Variants in UGP2 observed in about 807,000 individuals in gnomAD.
UGP2 encodes UTP--glucose-1-phosphate uridylyltransferase.
A neutral mutation model predicts 49.0 loss-of-function variants in UGP2; 40 were observed. That is an observed-to-expected ratio of 0.82 (90% confidence interval 0.63 to 1.06). The LOEUF (loss-of-function observed/expected upper bound fraction) is 1.06. UGP2 is among the 50% of genes least tolerant of loss of function. The probability of loss-of-function intolerance (pLI) is 0.00; values close to 1 mark genes in which losing one functional copy is unlikely to be tolerated. For missense variants in UGP2, 460 were observed against 603.5 expected, an observed-to-expected ratio of 0.76 and a Z score of 2.49; for synonymous variants, 225 against 213.0, an observed-to-expected ratio of 1.06 and a Z score of -0.49.
chr2:63,856,194 T>C (rs762987761), intron 1 of UGP2, 112 bp from the exon 2 acceptor site: 171 of 1,349,668 alleles, frequency 1.3e-4, no homozygotes, highest in Non-Finnish European at 1.6e-4. Context: ...TAAAGGGACC[T>C]TGGGATTGAG....
intron 4 of UGP2, chr2:63,883,431 G>A (rs1671444047): frequency 6.6e-6 from 1 of 152,406 alleles, no homozygotes; most frequent in African/African-American, 2.4e-5. Flanking sequence ...ACACTCTGCT[G>A]CCTCGTAGCT....
At chr2:63,887,764 G>T in intron 8 of UGP2, 120 bp downstream of exon 8, 1 of 1,295,826 alleles carries the variant, frequency 7.7e-7, no homozygotes, top group Non-Finnish European at 1.1e-6. Flanking sequence ...GTATTCCTCT[G>T]TCTTTGATAC....
chr2:63,872,135 A>G (rs1249948694), intron 3 of UGP2, among the ~76,000 whole-genome samples: 3 of 152,256 alleles, frequency 2.0e-5, no homozygotes, highest in Non-Finnish European at 4.4e-5. Context: ...CTCAGGCTAC[A>G]CATGACTGGA....
At chr2:63,856,219 T>C (rs1669406679) in intron 1 of UGP2, 87 bp from the exon 2 acceptor site, 2 of 1,509,526 alleles carry the variant, frequency 1.3e-6, no homozygotes, top group South Asian at 2.6e-5. Flanking sequence ...TTTCATTTGC[T>C]GAATACCAGA....
chr2:63,886,468 T>G lies in UGP2; in HGVS notation c.1001T>G (p.Ile334Ser), dbSNP rs745870029. The G allele has an allele frequency of 1.9e-6, 3 of 1,614,174 alleles. No homozygotes were observed. The highest frequency in any genetic ancestry group is 2.5e-6 in the Non-Finnish European group (3 of 1,180,018). Residue 334 changes from isoleucine to serine, a missense_variant, in exon 7 of 10, where the codon ATT becomes AGT. Around this residue, in one of 2 missense-constraint regions of UGP2, gnomAD observed 317 missense variants for 473.0 expected, o/e 0.67. Transcript: ENST00000337130. ...FKIFNTNNLW[I>S]SLAAVKRLQE... ...ATATTTAATACAAACAACCTATGGA[T>G]TTCTCTTGCAGCAGTTAAAAGACTG...
chr2:63,847,861 C>T (rs548917039), intron 1 of UGP2, among the ~76,000 whole-genome samples: 429 of 152,284 alleles, frequency 2.8e-3, no homozygotes, highest in Non-Finnish European at 4.2e-3. Flanking sequence ...TGGGCGTATA[C>T]GTGCAAGTCA....
At position 63,891,152 on chromosome 2, in the gene UGP2, C is replaced by G; in HGVS notation, c.1452C>G (p.Asp484Glu). 1 of 1,613,500 alleles carries G rather than the reference C, an allele frequency of 6.2e-7. No homozygotes were observed. The highest frequency in any genetic ancestry group is 1.1e-5 in the South Asian group (1 of 91,008). Residue 484 changes from aspartate (D) to glutamate (E), a missense_variant, in exon 10 of 10, where the codon GAC becomes GAG. Asp to Glu is a conservative substitution (Grantham distance 45). Transcript: ENST00000337130. ...GTVIIIANHG[D>E]RIDIPPGAVL... ...TTATCATCATTGCAAATCATGGTGA[C>G]AGAATTGATATCCCACCTGGAGCAG...
rs1671645102 is a variant in UGP2, at chr2:63,842,614, G to A, written c.19+410G>A. ...AGAAAAGCCGGGTGGGTTTTGCCGG[G>A]ACTGTTGGGGAAGCTTTAGTGTTCT... On this transcript the variant is annotated intron_variant, in intron 1 of 9. Transcript: ENST00000337130. The A allele has an allele frequency of 4.8e-6, 7 of 1,449,782 alleles. No homozygotes were observed. The East Asian group carries it at 1.0e-4, about 21-fold the overall frequency. 89.8% of individuals were successfully genotyped at this position (1,449,782 alleles called of 1,614,324 possible).
chr2:63,862,612 C>G (rs1669925596), intron 3 of UGP2, among the ~76,000 whole-genome samples: 1 of 152,048 alleles, frequency 6.6e-6, no homozygotes, highest in African/African-American at 2.4e-5. Flanking sequence ...TTGATAGACT[C>G]CCGGTTTTAT....
At chr2:63,883,313 C>G (rs1056127456) in intron 4 of UGP2, 2 of 152,148 alleles carry the variant, frequency 1.3e-5, no homozygotes, top group South Asian at 2.1e-4. Context: ...ATGAGGAAAC[C>G]AAAGCACAAG....
intron 1 of UGP2, among the ~76,000 whole-genome samples, chr2:63,849,901 A>C (rs1271064232): frequency 1.3e-5 from 2 of 152,208 alleles, no homozygotes; most frequent in Non-Finnish European, 2.9e-5. Context: ...CTCTAAATGC[A>C]CACATAGCAA....
intron 1 of UGP2, among the ~76,000 whole-genome samples, chr2:63,848,912 C>G (rs1668851323): frequency 6.6e-6 from 1 of 152,178 alleles, no homozygotes; most frequent in East Asian, 1.9e-4. Flanking sequence ...ACTGCCTCTG[C>G]CAACAGTTCC....
intron 3 of UGP2, among the ~76,000 whole-genome samples, chr2:63,864,687 C>T (rs1244783935): frequency 6.6e-6 from 1 of 152,192 alleles, no homozygotes; most frequent in African/African-American, 2.4e-5. Context: ...CCACCAGTTA[C>T]CACCAGTGTT....
chr2:63,850,511 C>T (rs1364276466), intron 1 of UGP2, among the ~76,000 whole-genome samples: 1 of 152,056 alleles, frequency 6.6e-6, no homozygotes, highest in Non-Finnish European at 1.5e-5. Context: ...CTATATTTTT[C>T]CCTAAATTAA....
In UGP2 at chr2:63,853,419, T is replaced by G. The variant is rs779881772; in HGVS notation, c.20-2887T>G. On this transcript the variant is annotated intron_variant, in intron 1 of 9. Coordinates refer to ENST00000337130, the MANE Select transcript of UGP2 (RefSeq NM_006759.4). ...ATTATTTCCAGTTGCCATTAAATTCTTGGAGTTCTATGGTTATTTGGATCA... is the reference window on the plus strand; with the variant it reads ...ATTATTTCCAGTTGCCATTAAATTCGTGGAGTTCTATGGTTATTTGGATCA... Among the ~76,000 whole-genome samples the G allele has an allele frequency of 5.3e-5, 8 of 152,298 alleles. 1 individual carries two copies. The highest frequency in any genetic ancestry group is 4.2e-4 in the South Asian group (2 of 4,816).
At chr2:63,887,737 T>C in intron 8 of UGP2, 93 bp downstream of exon 8, 1 of 1,495,716 alleles carries the variant, frequency 6.7e-7, no homozygotes. Flanking sequence ...AATTACAGTC[T>C]CTACCACTGA....
intron 2 of UGP2, chr2:63,856,903 A>G: frequency 2.3e-6 from 1 of 438,106 alleles, no homozygotes; most frequent in East Asian, 7.0e-5. Flanking sequence ...TCATTTTTAT[A>G]TTTCAATTTA....
At chr2:63,873,640 C>T (rs931757573) in intron 3 of UGP2, among the ~76,000 whole-genome samples, 6 of 151,954 alleles carry the variant, frequency 3.9e-5, no homozygotes, top group Non-Finnish European at 2.9e-5. Context: ...GAGGAAAAAG[C>T]GCAAGGCCTT....
chr2:63,843,521 A>G (rs1315239258), intron 1 of UGP2, among the ~76,000 whole-genome samples: 1 of 152,230 alleles, frequency 6.6e-6, no homozygotes, highest in Non-Finnish European at 1.5e-5. Context: ...TAAAAGTTAG[A>G]AATATTAATA....
Sources: allele counts gnomAD v4.1 joint callset (sites outside exome capture counted in the v4.1 genomes callset), GRCh38; gene constraint gnomAD v4.1.1; regional missense constraint gnomAD v4.1.1; transcripts MANE v1.5; gene names NCBI Gene and HGNC (gene_info 2026-07-23, HGNC 2026-07-21).